Variants in DPYD observed in about 807,000 individuals in gnomAD.
DPYD encodes the protein dihydropyrimidine dehydrogenase [NADP(+)].
In DPYD, 109 loss-of-function variants were observed where a neutral mutation model predicts 116.2. That is an observed-to-expected ratio of 0.94 (90% CI 0.80 to 1.10). DPYD has a LOEUF of 1.10. DPYD is among the 50% of genes least tolerant of loss of function. The probability of loss-of-function intolerance (pLI) is 0.00; values close to 1 mark genes in which losing one functional copy is unlikely to be tolerated. For synonymous variants in DPYD, 440 were observed against 432.0 expected, an observed-to-expected ratio of 1.02 and a Z score of -0.23; for missense variants, 1,302 against 1,254.5, an observed-to-expected ratio of 1.04 and a Z score of -0.57.
intron 19 of DPYD, among the ~76,000 whole-genome samples, chr1:97,208,189 T>C (rs1469730687): frequency 6.6e-6 from 1 of 151,366 alleles, no homozygotes; most frequent in Non-Finnish European, 1.5e-5. Context: ...TTTCTTTTAC[T>C]TTTTTTTCTT....
chr1:97,564,052 T>G (rs1424336519), intron 11 of DPYD, among the ~76,000 whole-genome samples: 1 of 152,204 alleles, frequency 6.6e-6, no homozygotes, highest in Non-Finnish European at 1.5e-5. Flanking sequence ...CTGAAAATTC[T>G]TCTTGCCCAA....
chr1:97,133,324 T>A (rs12090721), intron 20 of DPYD, among the ~76,000 whole-genome samples: 45,455 of 151,924 alleles, frequency 0.3, 7,183 homozygotes, highest in Middle Eastern at 0.41. Flanking sequence ...CTGATAGTGA[T>A]AACATACAAT....
At chr1:97,742,709 C>T (rs1400712102) in intron 3 of DPYD, among the ~76,000 whole-genome samples, 3 of 152,096 alleles carry the variant, frequency 2.0e-5, no homozygotes, top group African/African-American at 7.2e-5. Flanking sequence ...GTGTAACTGT[C>T]ATGTGGATAA....
chr1:97,603,509 C>G (rs1408589161), intron 8 of DPYD, among the ~76,000 whole-genome samples: 2 of 152,058 alleles, frequency 1.3e-5, no homozygotes, highest in Non-Finnish European at 2.9e-5. Context: ...AAAACATACT[C>G]TATTGAACTG....
intron 19 of DPYD, among the ~76,000 whole-genome samples, chr1:97,215,003 T>TA (rs1450893852): frequency 6.6e-6 from 1 of 152,240 alleles, no homozygotes; most frequent in African/African-American, 2.4e-5. Flanking sequence ...CTGTACATTT[T>TA]ATTTTAAAAT....
chr1:97,345,184 T>G (rs1669780282), intron 16 of DPYD, among the ~76,000 whole-genome samples: 1 of 151,942 alleles, frequency 6.6e-6, no homozygotes, highest in South Asian at 2.1e-4. Context: ...TGGCTAAAAA[T>G]ATTTTTTCCT....
intron 8 of DPYD, among the ~76,000 whole-genome samples, chr1:97,657,304 G>T (rs888891695): frequency 1.3e-5 from 2 of 151,930 alleles, no homozygotes; most frequent in African/African-American, 4.8e-5. Flanking sequence ...CAATTAGCCT[G>T]CCAGTAAGCA....
At chr1:97,833,960 T>A (rs1669647144) in intron 2 of DPYD, among the ~76,000 whole-genome samples, 1 of 152,112 alleles carries the variant, frequency 6.6e-6, no homozygotes, top group African/African-American at 2.4e-5. Context: ...TATGCACAAG[T>A]ACACAATATG....
intron 18 of DPYD, among the ~76,000 whole-genome samples, chr1:97,283,890 C>T (rs1665491376): frequency 1.3e-5 from 2 of 152,218 alleles, no homozygotes; most frequent in South Asian, 4.1e-4. Context: ...GATCTGACCT[C>T]AAGTACCAAT....
At chr1:97,589,088 C>T (rs1231765850) in intron 10 of DPYD, among the ~76,000 whole-genome samples, 3 of 152,144 alleles carry the variant, frequency 2.0e-5, no homozygotes, top group Non-Finnish European at 4.4e-5. Flanking sequence ...TTAACAAGCC[C>T]TCTAGGTGAC....
intron 7 of DPYD, among the ~76,000 whole-genome samples, chr1:97,681,097 C>G (rs1571180395): frequency 1.3e-5 from 2 of 152,226 alleles, no homozygotes; most frequent in South Asian, 4.1e-4. Flanking sequence ...TATACTGACT[C>G]ATTTAATCCC....
Position 97,628,067 on chromosome 1 carries a change from C to T in DPYD, c.851-32901G>A, listed in dbSNP as rs531301639. 3.9e-5 allele frequency among the ~76,000 whole-genome samples: 6 copies of T among 152,106 alleles called. No individual in the cohort carries two copies. In the South Asian group the frequency reaches 1.0e-3, roughly 26 times the overall value. On this transcript the variant is annotated intron_variant, in intron 8 of 22. Coordinates refer to ENST00000370192, the MANE Select transcript of DPYD (RefSeq NM_000110.4). ...TATTTCAGAGACATTGAGGCACAGACTCTTCATGATATGAAAACTGCCTGG... is the reference window on the plus strand; with the variant it reads ...TATTTCAGAGACATTGAGGCACAGATTCTTCATGATATGAAAACTGCCTGG...
chr1:97,151,480 C>G (rs890380666), intron 20 of DPYD, among the ~76,000 whole-genome samples: 1 of 152,010 alleles, frequency 6.6e-6, no homozygotes, highest in African/African-American at 2.4e-5. Flanking sequence ...TCGAGACCAA[C>G]CTGGTCAACA....
At chr1:97,431,857 C>T (rs1454654523) in intron 14 of DPYD, among the ~76,000 whole-genome samples, 1 of 152,038 alleles carries the variant, frequency 6.6e-6, no homozygotes, top group Non-Finnish European at 1.5e-5. Context: ...TACCCTTCCC[C>T]TTCCCCTCCC....
intron 3 of DPYD, among the ~76,000 whole-genome samples, chr1:97,776,617 T>A (rs1028795296): frequency 5.9e-5 from 9 of 152,172 alleles, no homozygotes; most frequent in Admixed American, 3.3e-4. Flanking sequence ...GAAGAAGTAG[T>A]GGAGACCCAG....
At chr1:97,357,058 T>C (rs950153357) in intron 16 of DPYD, among the ~76,000 whole-genome samples, 11 of 152,246 alleles carry the variant, frequency 7.2e-5, no homozygotes, top group South Asian at 2.1e-4. Flanking sequence ...TATGAAAAAC[T>C]ATATTAAATT....
chr1:97,350,752 A>G (rs1045704247), intron 16 of DPYD, among the ~76,000 whole-genome samples: 1 of 152,170 alleles, frequency 6.6e-6, no homozygotes, highest in African/African-American at 2.4e-5. Context: ...TTAAAATGTA[A>G]TCATTTACCC....
chr1:97,679,260 T>G (rs570427078), intron 7 of DPYD, 78 bp from the exon 8 acceptor site: 11 of 796,528 alleles, frequency 1.4e-5, no homozygotes, highest in Admixed American at 2.6e-5. Flanking sequence ...TCAAAAAGAA[T>G]GAAAAGTCAG....
At chr1:97,627,005 T>C (rs1374785464) in intron 8 of DPYD, among the ~76,000 whole-genome samples, 4 of 151,984 alleles carry the variant, frequency 2.6e-5, no homozygotes, top group Admixed American at 1.3e-4. Flanking sequence ...GAGCTGGAAA[T>C]CTCAGATCAG....
Sources: allele counts gnomAD v4.1 joint callset (sites outside exome capture counted in the v4.1 genomes callset), GRCh38; gene constraint gnomAD v4.1.1; transcripts MANE v1.5; gene names NCBI Gene and HGNC (gene_info 2026-07-23, HGNC 2026-07-21).